TTN: variants seen among roughly 807,000 people sequenced by gnomAD.
The protein encoded by TTN is connectin.
Under a neutral mutation model 3,223.0 loss-of-function variants are expected in TTN, and 1,525 were observed. The observed-to-expected ratio is 0.47, with a 90% confidence interval of 0.45 to 0.49. The LOEUF is 0.49. TTN is among the 20% of genes least tolerant of loss of function. TTN has a pLI of 0.00. For missense variants in TTN, 40,786 were observed against 43,424.0 expected, an observed-to-expected ratio of 0.94 and a Z score of 5.40; for synonymous variants, 14,094 against 15,161.0, an observed-to-expected ratio of 0.93 and a Z score of 5.17.
chr2:178,744,189 G>C (rs2154321718), intron 47 of TTN, among the ~76,000 whole-genome samples: 1 of 151,950 alleles, frequency 6.6e-6, no homozygotes, highest in Non-Finnish European at 1.5e-5. Flanking sequence ...GCTAAATGCA[G>C]GTGACAAATG....
intron 222 of TTN, 125 bp from the exon 223 acceptor site, chr2:178,639,913 G>A: frequency 4.9e-6 from 7 of 1,424,732 alleles, no homozygotes; most frequent in Non-Finnish European, 6.7e-6. Flanking sequence ...TAAGAGAATA[G>A]TATATTAAGC....
rs727503621 is a variant in TTN at position 178,612,497 on chromosome 2, C to T, written c.50028G>A (p.Glu16676=). The change falls in exon 266 of 363, where the codon GAG becomes GAA. Residue 16676 remains glutamate (E), a synonymous_variant. Transcript: ENST00000589042. ...NTADLKWTVP[E]KDGGSPITNY... is the part of the protein sequence containing the mutation. ...TGGTGATGGGGGACCCTCCATCTTT[C>T]TCAGGAACTGTCCATTTTAGGTCTG... 1 of 1,612,010 alleles carries T rather than the reference C, an allele frequency of 6.2e-7. No homozygotes were observed. Among genetic ancestry groups the T allele is most frequent in the Non-Finnish European group, 8.5e-7 (1 of 1,179,126 alleles).
chr2:178,650,062 C>T, intron 210 of TTN, 102 bp downstream of exon 210: 1 of 1,319,810 alleles, frequency 7.6e-7, no homozygotes, highest in Non-Finnish European at 1.0e-6. Context: ...AGTCAGATTT[C>T]AGGCAACAAG....
At chr2:178,805,619 C>T (rs1327657291) in intron 1 of TTN, among the ~76,000 whole-genome samples, 2 of 152,112 alleles carry the variant, frequency 1.3e-5, no homozygotes, top group Non-Finnish European at 2.9e-5. Flanking sequence ...TATTTCTTAA[C>T]ATTTCTTCAT....
rs182355009 is a variant in TTN at position 178,711,984 on chromosome 2, G to A, written c.27846C>T (p.Ser9282=). 1.8e-4 allele frequency: 282 copies of A among 1,608,278 alleles called. 4 individuals carry two copies. The Admixed American group carries it at 4.0e-3, about 23-fold the overall frequency. The change falls in exon 96 of 363, where the codon AGC becomes AGT. Residue 9282 remains serine, a synonymous_variant. Transcript: ENST00000589042. The part of the protein sequence containing the change: ...SGEYICKAEN[S]VGEVSASTFL... Reference sequence around the variant, plus strand: ...AAGTTGATGCAGAAACTTCTCCCACGCTGTTTTCAGCTTTGCAGATATATT... The same window carrying A: ...AAGTTGATGCAGAAACTTCTCCCACACTGTTTTCAGCTTTGCAGATATATT...
intron 20 of TTN, among the ~76,000 whole-genome samples, chr2:178,781,905 AGT>A (rs139001573): frequency 0.33 from 49,523 of 149,738 alleles, 8,782 homozygotes; most frequent in Middle Eastern, 0.43. Flanking sequence ...CTTTTCTGGA[AGT>A]GTGTGTGTGT....
chr2:178,795,653 T>C (rs1490714423), intron 6 of TTN, among the ~76,000 whole-genome samples: 2 of 152,100 alleles, frequency 1.3e-5, no homozygotes, highest in Non-Finnish European at 2.9e-5. Flanking sequence ...GGATGTCAAA[T>C]AGGTGTTATA....
chr2:178,753,278 T>C, intron 46 of TTN, 98 bp from the exon 47 acceptor site: 1 of 984,740 alleles, frequency 1.0e-6, no homozygotes, highest in South Asian at 1.6e-5. Context: ...CTTTTTATTA[T>C]AACAACAGAA....
rs1391203873 is a variant in TTN at position 178,693,929 on chromosome 2, T to C, written c.31506A>G (p.Ser10502=). The C allele has an allele frequency of 2.5e-6, 4 of 1,612,808 alleles. No homozygotes were observed. The African/African-American group carries it at 5.3e-5, about 22-fold the overall frequency. ...TTCCAGTTTGCCTTATACCTGTGAC[T>C]GACACCTCCTCCTCTGTGTGAGAAG... ...FFASHTEEEV[S]VTVPEVQKEI... is the part of the protein sequence containing the mutation. The change falls in exon 118 of 363, where the codon TCA becomes TCG. Residue 10502 remains serine, a synonymous_variant. Transcript: ENST00000589042.
At chr2:178,735,428 T>C in intron 50 of TTN, 83 bp downstream of exon 50, 1 of 1,284,362 alleles carries the variant, frequency 7.8e-7, no homozygotes, top group East Asian at 2.5e-5. Flanking sequence ...CAAAGTGTAC[T>C]GACTGAATTG....
In TTN at chr2:178,538,821, C is replaced by T. The variant is rs775787996; in HGVS notation, c.99008G>A (p.Gly33003Glu). The T allele has an allele frequency of 1.2e-6, 2 of 1,608,180 alleles. No homozygotes were observed. The highest frequency in any genetic ancestry group is 1.1e-5 in the South Asian group (1 of 90,128). The change falls in exon 354 of 363, where the codon GGA becomes GAA. Residue 33003 changes from glycine to glutamate, a missense_variant. By Grantham distance (98) the Gly-to-Glu change is moderately conservative (BLOSUM62 -2). Transcript: ENST00000589042. ...KDPFDKPSQP[G>E]ELEILSISKD... is the part of the protein sequence containing the mutation. ...GGATATTGAAAGAATCTCAAGTTCT[C>T]CTGGTTGGCTTGGTTTATCTGAAAT... is the stretch of plus-strand genomic sequence containing the variant.
At chr2:178,765,915 A>C (rs1330638815) in intron 41 of TTN, among the ~76,000 whole-genome samples, 1 of 152,164 alleles carries the variant, frequency 6.6e-6, no homozygotes, top group African/African-American at 2.4e-5. Flanking sequence ...GAGAGGATCG[A>C]GTTCCACATT....
At position 178,791,755 on chromosome 2, in the gene TTN, G is replaced by A. The variant is rs10184892; in HGVS notation, c.1662+317C>T. ...GTGACTGAGGGCTTAGGCTATGCACGAAGAAACCAACTGTCCCGGTGGGTA... is the reference window on the plus strand; with the variant it reads ...GTGACTGAGGGCTTAGGCTATGCACAAAGAAACCAACTGTCCCGGTGGGTA... On this transcript the variant is annotated intron_variant, in intron 10 of 362. Coordinates refer to ENST00000589042, the MANE Select transcript of TTN (RefSeq NM_001267550.2). 0.17 allele frequency among the ~76,000 whole-genome samples: 25,020 copies of A among 151,326 alleles called. 3,763 individuals are homozygous for A. Among genetic ancestry groups the A allele is most frequent in the East Asian group, 0.71 (3,631 of 5,134 alleles).
rs778966063 is a variant in TTN at position 178,672,149 on chromosome 2, CTCT to C, written c.35046_35048del (p.Glu11683del). On this transcript the variant is annotated inframe_deletion, in exon 155 of 363. Transcript: ENST00000589042. ...CAAAATATTCTTCAACTTCATGGAA[CTCT>C]TCTTCTTCCGGAATTTCTTCCACTT... 9.4e-6 allele frequency: 15 copies of C among 1,604,024 alleles called. No individual in the cohort carries two copies. The highest frequency in any genetic ancestry group is 2.2e-5 in the East Asian group (1 of 44,608).
In TTN at chr2:178,717,629, T is replaced by G. The variant is rs1206151760; in HGVS notation, c.25245A>C (p.Ala8415=). Residue 8415 remains alanine, a synonymous_variant, in exon 87 of 363, where the codon GCA becomes GCC. Coordinates refer to ENST00000589042, the MANE Select transcript of TTN (RefSeq NM_001267550.2). ...GGTCAGTTTGTAAAATCTGAAGAGT[T>G]GCTACATTATGAACAAAAGATGTCT... ...NLQTSFVHNV[A]TLQILQTDQS... is the part of the protein sequence containing the mutation. 8 of 1,613,194 alleles carry G rather than the reference T, an allele frequency of 5.0e-6. No homozygotes were observed. Among genetic ancestry groups the G allele is most frequent in the Non-Finnish European group, 6.8e-6 (8 of 1,179,572 alleles).
chr2:178,618,928 A>T, intron 250 of TTN, 75 bp from the exon 251 acceptor site: 1 of 1,523,558 alleles, frequency 6.6e-7, no homozygotes, highest in Non-Finnish European at 8.8e-7. Flanking sequence ...TTATGCATTT[A>T]TTAGAAAATA....
intron 116 of TTN, 23 bp from the exon 117 acceptor site, chr2:178,694,699 A>G: frequency 6.5e-7 from 1 of 1,531,546 alleles, no homozygotes. Context: ...GTACAAATAT[A>G]TTTGTATTTT....
In TTN at chr2:178,597,908, C is replaced by A. The variant is rs727505347; in HGVS notation, c.57262G>T (p.Val19088Phe). 4.3e-6 allele frequency: 7 copies of A among 1,612,842 alleles called. No homozygotes were observed. Among genetic ancestry groups the A allele is most frequent in the Non-Finnish European group, 5.9e-6 (7 of 1,179,486 alleles). The change falls in exon 293 of 363, where the codon GTT (valine) becomes TTT (phenylalanine). Residue 19088 changes from valine (V) to phenylalanine (F), a missense_variant and splice_region_variant. Val to Phe is a conservative substitution (Grantham distance 50). Coordinates refer to ENST00000589042, the MANE Select transcript of TTN (RefSeq NM_001267550.2). ...TDVIEMKDRL[V>F]SPDLQLDASV... ...GGCATAAGGAAGGATTGATAATTAC[C>A]AAGTCTGTCCTTCATTTCAATGACA...
Position 178,618,705 on chromosome 2 carries a change from A to G in TTN, c.46845T>C (p.Thr15615=). The change falls in exon 251 of 363, where the codon ACT becomes ACC. Residue 15615 remains threonine (T), a synonymous_variant. Transcript: ENST00000589042. ...NEPLSTKTID[T]TAEQTSFRIL... ...TTCTGAAAGAAGTTTGTTCAGCCGT[A>G]GTATCAATGGTTTTTGTAGATAAAG... 1.9e-6 allele frequency: 3 copies of G among 1,612,162 alleles called. No individual in the cohort carries two copies. The highest frequency in any genetic ancestry group is 1.7e-6 in the Non-Finnish European group (2 of 1,178,908).
Sources: gnomAD v4.1 joint callset for allele counts (sites outside exome capture counted in the v4.1 genomes callset) on GRCh38, gnomAD v4.1.1 for gene constraint, MANE v1.5 for transcripts, NCBI Gene and HGNC (gene_info 2026-07-23, HGNC 2026-07-21) for gene names.